The following MAGI1 variants were observed in gnomAD, a reference collection of about 807,000 sequenced individuals.
MAGI1 encodes the protein membrane associated guanylate kinase, WW and PDZ domain containing 1.
A neutral mutation model predicts 139.9 loss-of-function variants in MAGI1; 58 were observed. The observed-to-expected ratio is 0.41, with a 90% CI of 0.34 to 0.52. The LOEUF is 0.52. Ranked by LOEUF, MAGI1 falls within the 20% of genes least tolerant of loss-of-function variation. MAGI1 has a pLI of 0.12. For missense variants in MAGI1, 1,874 were observed against 1,901.6 expected, an observed-to-expected ratio of 0.99 and a Z score of 0.27; for synonymous variants, 812 against 737.9, an observed-to-expected ratio of 1.10 and a Z score of -1.63.
intron 16 of MAGI1, 58 bp downstream of exon 16, chr3:65,381,819 G>A: frequency 1.4e-6 from 2 of 1,433,252 alleles, no homozygotes; most frequent in South Asian, 1.4e-5. Flanking sequence ...CAGGAAGGAG[G>A]CCTTTTCTGT....
chr3:65,657,623 G>A (rs1199066581), intron 1 of MAGI1, among the ~76,000 whole-genome samples: 1 of 152,070 alleles, frequency 6.6e-6, no homozygotes, highest in African/African-American at 2.4e-5. Flanking sequence ...TGAATCCCTA[G>A]CAACTGGGGA....
chr3:65,506,142 A>T (rs1179991377), intron 2 of MAGI1, among the ~76,000 whole-genome samples: 1 of 152,182 alleles, frequency 6.6e-6, no homozygotes, highest in Non-Finnish European at 1.5e-5. Context: ...TGGTGAGTTC[A>T]AATCTCAGCT....
intron 1 of MAGI1, among the ~76,000 whole-genome samples, chr3:65,777,005 C>T (rs956665876): frequency 3.3e-5 from 5 of 152,156 alleles, no homozygotes; most frequent in African/African-American, 1.2e-4. Context: ...CTGAAGGGCA[C>T]TGGGGCCTAG....
rs371341029 is a variant in MAGI1 at position 65,541,996 on chromosome 3, T to G, written c.431-48365A>C. Reference sequence around the variant, plus strand: ...AAGTCAAATTGTCCCTGTCTGCAGATTACATGATTGTATATTTAGAAAACC... The same window carrying G: ...AAGTCAAATTGTCCCTGTCTGCAGAGTACATGATTGTATATTTAGAAAACC... On this transcript the variant is annotated intron_variant, in intron 2 of 22. Coordinates refer to ENST00000402939, the MANE Select transcript of MAGI1 (RefSeq NM_001033057.2). Among the ~76,000 whole-genome samples the G allele has an allele frequency of 3.9e-5, 6 of 152,208 alleles. No individual in the cohort carries two copies. The East Asian group carries it at 7.7e-4, about 20-fold the overall frequency.
chr3:65,705,605 A>T (rs7618480), intron 1 of MAGI1, among the ~76,000 whole-genome samples: 27,171 of 152,122 alleles, frequency 0.18, 2,861 homozygotes, highest in African/African-American at 0.3. Context: ...AATTGCAGAA[A>T]CCCTAATTTA....
intron 21 of MAGI1, among the ~76,000 whole-genome samples, chr3:65,361,862 A>G (rs1236346254): frequency 6.6e-6 from 1 of 152,238 alleles, no homozygotes; most frequent in Non-Finnish European, 1.5e-5. Flanking sequence ...CTGCCCTATA[A>G]GGCACTGAAT....
At chr3:65,509,385 C>T (rs1314399993) in intron 2 of MAGI1, among the ~76,000 whole-genome samples, 1 of 152,276 alleles carries the variant, frequency 6.6e-6, no homozygotes, top group East Asian at 1.9e-4. Flanking sequence ...GCGTTTCCAT[C>T]TGAGGTACCG....
intron 1 of MAGI1, among the ~76,000 whole-genome samples, chr3:65,755,039 C>T (rs1383187422): frequency 1.3e-5 from 2 of 151,792 alleles, no homozygotes; most frequent in Non-Finnish European, 2.9e-5. Flanking sequence ...CTGCAACCTC[C>T]ATGTCCTGGG....
intron 2 of MAGI1, among the ~76,000 whole-genome samples, chr3:65,549,705 G>A (rs1452574635): frequency 6.6e-6 from 1 of 152,062 alleles, no homozygotes; most frequent in African/African-American, 2.4e-5. Flanking sequence ...GGGTAGGGGT[G>A]GGAGACAAAT....
intron 4 of MAGI1, among the ~76,000 whole-genome samples, chr3:65,477,222 A>G (rs1183460882): frequency 6.6e-6 from 1 of 152,232 alleles, no homozygotes; most frequent in African/African-American, 2.4e-5. Flanking sequence ...CCATTTGATA[A>G]ATTTTAGTCC....
Position 65,826,338 on chromosome 3 carries a change from C to T in MAGI1, c.314-204250G>A, listed in dbSNP as rs551777182. Among the ~76,000 whole-genome samples, 92 of 152,126 alleles carry T rather than the reference C, an allele frequency of 6.0e-4. 1 individual carries two copies. The highest frequency in any genetic ancestry group is 6.8e-3 in the Middle Eastern group (2 of 294). Reference sequence around the variant, plus strand: ...TGGCATAAGCATATGCATTTCAATGCCAGTATTATGAGCTACTTATATTTG... The same window carrying T: ...TGGCATAAGCATATGCATTTCAATGTCAGTATTATGAGCTACTTATATTTG... On this transcript the variant is annotated intron_variant, in intron 1 of 22. Coordinates refer to ENST00000402939, the MANE Select transcript of MAGI1 (RefSeq NM_001033057.2).
At chr3:65,530,624 G>GTGGTGTGTGTGTGTGT (rs1204700107) in intron 2 of MAGI1, among the ~76,000 whole-genome samples, 8 of 129,242 alleles carry the variant, frequency 6.2e-5, no homozygotes, top group African/African-American at 1.6e-4. Flanking sequence ...ATGTGTGTGT[G>GTGGTGTGTGTGTGTGT]GTGTGTGTGT....
At chr3:65,761,650 T>C (rs1363113017) in intron 1 of MAGI1, among the ~76,000 whole-genome samples, 1 of 152,184 alleles carries the variant, frequency 6.6e-6, no homozygotes, top group African/African-American at 2.4e-5. Flanking sequence ...AAGAAGTCTT[T>C]ATTCCATCAG....
intron 1 of MAGI1, among the ~76,000 whole-genome samples, chr3:65,954,100 A>G (rs2063996041): frequency 6.6e-6 from 1 of 152,086 alleles, no homozygotes; most frequent in African/African-American, 2.4e-5. Flanking sequence ...GCACTCAACT[A>G]CTCAAGACTC....
chr3:65,532,521 T>C (rs1313915706), intron 2 of MAGI1, among the ~76,000 whole-genome samples: 1 of 152,228 alleles, frequency 6.6e-6, no homozygotes, highest in East Asian at 1.9e-4. Flanking sequence ...CAGAAGTATG[T>C]GTAACTTTCA....
At chr3:65,790,913 A>G (rs143628265) in intron 1 of MAGI1, among the ~76,000 whole-genome samples, 130 of 152,122 alleles carry the variant, frequency 8.5e-4, no homozygotes, top group African/African-American at 3.0e-3. Flanking sequence ...CATTTCTACT[A>G]AAAATACAAA....
intron 2 of MAGI1, chr3:65,549,441 C>T: frequency 7.1e-6 from 7 of 985,376 alleles, no homozygotes; most frequent in Non-Finnish European, 7.2e-6. Context: ...GAGTTCGCCT[C>T]GGTCACTGCC....
At chr3:65,596,612 C>T (rs957872365) in intron 2 of MAGI1, among the ~76,000 whole-genome samples, 2 of 152,206 alleles carry the variant, frequency 1.3e-5, no homozygotes, top group Admixed American at 6.5e-5. Flanking sequence ...TATATACCAA[C>T]ACTGTGGACA....
chr3:65,504,955 G>C (rs2077223392), intron 2 of MAGI1, among the ~76,000 whole-genome samples: 1 of 152,146 alleles, frequency 6.6e-6, no homozygotes, highest in Admixed American at 6.5e-5. Flanking sequence ...ATTTCAAACA[G>C]TATTAAAAAG....
Sources: gnomAD v4.1 joint callset for allele counts (sites outside exome capture counted in the v4.1 genomes callset) on GRCh38, gnomAD v4.1.1 for gene constraint, MANE v1.5 for transcripts, NCBI Gene and HGNC (gene_info 2026-07-23, HGNC 2026-07-21) for gene names.